The following MCM9 variants were observed in gnomAD, a reference collection of about 807,000 sequenced individuals.
MCM9 encodes DNA helicase MCM9.
Under a neutral mutation model 72.8 loss-of-function variants are expected in MCM9, and 55 were observed. The observed-to-expected ratio is 0.76, with a 90% CI of 0.61 to 0.95. The LOEUF (loss-of-function observed/expected upper bound fraction) is 0.95, where lower values mean the gene tolerates loss of function less well. MCM9 is among the 40% of genes least tolerant of loss of function. The pLI, the probability that MCM9 is intolerant of heterozygous loss-of-function variation, is 0.00. For synonymous variants in MCM9, 480 were observed against 503.4 expected (o/e 0.95, Z 0.62); for missense variants, 1,279 against 1,377.0 (o/e 0.93, Z 1.13).
chr6:118,816,003 A>T lies in MCM9; in HGVS notation c.2253T>A (p.His751Gln), dbSNP rs1279671150. The T allele has an allele frequency of 1.9e-6, 3 of 1,550,420 alleles. No individual in the cohort carries two copies. The African/African-American group carries it at 4.1e-5, about 21-fold the overall frequency. ...CAACAGTGTTTTTAGGTTCACTCTG[A>T]TGAGTTGCCATGAAATCAAACCAAT... ...SLDWFDFMATHQSEPKNTVVV... is the reference protein window; with the variant it reads ...SLDWFDFMATQQSEPKNTVVV... The change falls in exon 14 of 14, where the codon CAT becomes CAA. Residue 751 changes from histidine (H) to glutamine (Q), a missense_variant. By Grantham distance (24) the His-to-Gln change is conservative. Transcript: ENST00000619706.
intron 3 of MCM9, among the ~76,000 whole-genome samples, chr6:118,927,329 C>T (rs1384870575): frequency 6.6e-6 from 1 of 152,098 alleles, no homozygotes; most frequent in Admixed American, 6.6e-5. Context: ...TTTGGCTGGA[C>T]GTGGTGGCTC....
At chr6:118,820,196 T>C (rs959416932) in intron 13 of MCM9, among the ~76,000 whole-genome samples, 8 of 152,196 alleles carry the variant, frequency 5.3e-5, no homozygotes, top group African/African-American at 1.9e-4. Context: ...CTTCTCTAGT[T>C]CTTTTAATTG....
In MCM9 at chr6:118,816,087, A is replaced by G. The variant is rs761898587; in HGVS notation, c.2169T>C (p.Asn723=). The G allele has an allele frequency of 2.8e-5, 43 of 1,550,296 alleles. No individual in the cohort carries two copies. The highest frequency in any genetic ancestry group is 9.8e-5 in the East Asian group (4 of 40,916). ...CTGAATGTTTCCTACTTGTTGATCT[A>G]TTAGGCTCCAGATGCGGTGGGGGAT... ...VLDPPPHLEP[N]RSTSRKHSAQ... Residue 723 remains asparagine, a synonymous_variant, in exon 14 of 14, where the codon AAT becomes AAC. Coordinates refer to ENST00000619706, the MANE Select transcript of MCM9 (RefSeq NM_017696.3).
intron 13 of MCM9, among the ~76,000 whole-genome samples, chr6:118,824,077 A>T (rs896422876): frequency 9.3e-6 from 1 of 107,352 alleles, no homozygotes; most frequent in Non-Finnish European, 1.7e-5. Context: ...TTTTAGACAG[A>T]GTCTCTCTCT....
Position 118,867,880 on chromosome 6 carries a change from T to TTTC in MCM9, c.1151-11336_1151-11335insGAA, listed in dbSNP as rs1358435762. ...TAATTATATTTCTTTTTTCTTTTTC[T>TTTC]TTTTCTTTTTTTTTGAGATGAAGTC... On this transcript the variant is annotated intron_variant, in intron 8 of 13. Coordinates refer to ENST00000619706, the MANE Select transcript of MCM9 (RefSeq NM_017696.3). 3.0e-4 allele frequency among the ~76,000 whole-genome samples: 4 copies of TTTC among 13,470 alleles called. No individual in the cohort carries two copies. The Admixed American group carries it at 4.9e-3, about 17-fold the overall frequency. The allele number at this position is 13,470 out of a possible 152,430, so 8.8% of individuals were successfully genotyped here. A position where few individuals can be genotyped will look rare whatever the true frequency, so the allele number is the denominator to read the frequency against.
In MCM9 at chr6:118,815,240, T is replaced by C. The variant is rs1358341359; in HGVS notation, c.3016A>G (p.Lys1006Glu). The change falls in exon 14 of 14, where the codon AAG (lysine) becomes GAG (glutamate). Residue 1006 changes from lysine to glutamate, a missense_variant. By Grantham distance (56) the Lys-to-Glu change is moderately conservative. Coordinates refer to ENST00000619706, the MANE Select transcript of MCM9 (RefSeq NM_017696.3). ...QPPEKHGPRE[K>E]VMCAPEKRII... ...CTCTTCTCAGGGGCACACATCACCT[T>C]CTCTCTTGGTCCGTGTTTCTCTGGT... 1.6e-5 allele frequency: 25 copies of C among 1,550,518 alleles called. No individual in the cohort carries two copies. In the Admixed American group the frequency reaches 2.0e-4, roughly 12 times the overall value.
At chr6:118,928,181 T>G (rs921066657) in intron 3 of MCM9, among the ~76,000 whole-genome samples, 4 of 152,040 alleles carry the variant, frequency 2.6e-5, no homozygotes, top group African/African-American at 9.7e-5. Context: ...GAGGCTGAGG[T>G]GGGCGGATCA....
At chr6:118,917,057 T>C (rs1392504760) in intron 6 of MCM9, among the ~76,000 whole-genome samples, 1 of 152,214 alleles carries the variant, frequency 6.6e-6, no homozygotes, top group Admixed American at 6.5e-5. Flanking sequence ...TTCTATGTAA[T>C]TACACCTGAA....
At chr6:118,834,893 A>G (rs1344133819) in intron 9 of MCM9, among the ~76,000 whole-genome samples, 1 of 152,084 alleles carries the variant, frequency 6.6e-6, no homozygotes. Flanking sequence ...TTTTGTTGCC[A>G]TTGCTTTTGG....
intron 8 of MCM9, among the ~76,000 whole-genome samples, chr6:118,899,957 T>A (rs1779691317): frequency 6.6e-6 from 1 of 152,238 alleles, no homozygotes; most frequent in African/African-American, 2.4e-5. Flanking sequence ...AGGAGACTCC[T>A]CCAAAGAGTT....
At chr6:118,913,532 A>T (rs1780710160) in intron 6 of MCM9, 112 bp from the exon 7 acceptor site, 2 of 1,343,652 alleles carry the variant, frequency 1.5e-6, no homozygotes, top group Admixed American at 4.2e-5. Flanking sequence ...CTACTATGTG[A>T]AGTGATCAGG....
chr6:118,898,154 G>A (rs1194296078), intron 8 of MCM9, among the ~76,000 whole-genome samples: 1 of 152,200 alleles, frequency 6.6e-6, no homozygotes, highest in Non-Finnish European at 1.5e-5. Flanking sequence ...ATGAATTTGT[G>A]TAGATTACTT....
intron 8 of MCM9, among the ~76,000 whole-genome samples, chr6:118,859,685 T>C (rs1209281074): frequency 6.6e-6 from 1 of 152,226 alleles, no homozygotes; most frequent in Non-Finnish European, 1.5e-5. Context: ...CTGAGAGCTC[T>C]ACCAGCAACT....
intron 8 of MCM9, among the ~76,000 whole-genome samples, chr6:118,878,638 GAACTA>G (rs1778089276): frequency 6.6e-6 from 1 of 151,934 alleles, no homozygotes; most frequent in African/African-American, 2.4e-5. Flanking sequence ...GCATTAATCT[GAACTA>G]AACTGCTTTA....
intron 13 of MCM9, among the ~76,000 whole-genome samples, chr6:118,818,469 T>C (rs1311100723): frequency 1.3e-5 from 2 of 152,158 alleles, no homozygotes; most frequent in Non-Finnish European, 2.9e-5. Context: ...GAGGCCTCTG[T>C]TCTGTTTCAT....
At chr6:118,923,029 C>CAAAAAAAAAAAAAAAA (rs780562520) in intron 4 of MCM9, among the ~76,000 whole-genome samples, 4 of 43,508 alleles carry the variant, frequency 9.2e-5, no homozygotes, top group East Asian at 5.9e-4. Context: ...AACTCCATCT[C>CAAAAAAAAAAAAAAAA]AAAAAAAAAA....
intron 8 of MCM9, among the ~76,000 whole-genome samples, chr6:118,890,207 T>C (rs1445232047): frequency 6.6e-6 from 1 of 152,092 alleles, no homozygotes; most frequent in Non-Finnish European, 1.5e-5. Flanking sequence ...ATTACTGGAG[T>C]GTCCGCCAGC....
chr6:118,843,666 A>ACACACG (rs367867148), intron 9 of MCM9, among the ~76,000 whole-genome samples: 1 of 29,356 alleles, frequency 3.4e-5, no homozygotes, highest in African/African-American at 8.3e-5. Context: ...GTGTATATAT[A>ACACACG]TATGTATGTA....
At chr6:118,830,974 G>C (rs1774506544) in intron 9 of MCM9, among the ~76,000 whole-genome samples, 1 of 152,116 alleles carries the variant, frequency 6.6e-6, no homozygotes, top group African/African-American at 2.4e-5. Context: ...ACTTCGGTGG[G>C]GACACCTGGA....
Sources: allele counts gnomAD v4.1 joint callset (sites outside exome capture counted in the v4.1 genomes callset), GRCh38; gene constraint gnomAD v4.1.1; transcripts MANE v1.5; gene names NCBI Gene and HGNC (gene_info 2026-07-23, HGNC 2026-07-21).